Variants in COPS4 observed in about 807,000 individuals in gnomAD.
COPS4 encodes the protein COP9 signalosome complex subunit 4.
Under a neutral mutation model 55.1 loss-of-function variants are expected in COPS4, and 8 were observed. The ratio of observed to expected loss-of-function variants is 0.15; its 90% CI spans 0.09 to 0.26. COPS4 has a LOEUF of 0.26. COPS4 is among the 10% of genes least tolerant of loss of function. The pLI is 1.00. For missense variants in COPS4, 248 were observed against 484.0 expected (o/e 0.51, Z 4.58); for synonymous variants, 185 against 165.7 (o/e 1.12, Z -0.90).
chr4:83,054,227 A>G (rs543547365), intron 4 of COPS4, among the ~76,000 whole-genome samples: 2 of 152,260 alleles, frequency 1.3e-5, no homozygotes, highest in South Asian at 4.1e-4. Context: ...CTGTAGTCCC[A>G]GCTACTTGGG....
At position 83,064,106 on chromosome 4, in the gene COPS4, C is replaced by T. The variant is rs111411855; in HGVS notation, c.886+860C>T. Reference sequence around the variant, plus strand: ...ATCCCAGCACTTTGGGAGGCTAAGGCGGGAGGATCTCTTCAGCCTGGGAGT... The same window carrying T: ...ATCCCAGCACTTTGGGAGGCTAAGGTGGGAGGATCTCTTCAGCCTGGGAGT... On this transcript the variant is annotated intron_variant, in intron 7 of 9. Coordinates refer to ENST00000264389, the MANE Select transcript of COPS4 (RefSeq NM_016129.3). Among the ~76,000 whole-genome samples the T allele has an allele frequency of 7.2e-3, 1,095 of 152,110 alleles. 15 individuals carry two copies. The highest frequency in any genetic ancestry group is 0.01 in the Middle Eastern group (3 of 294).
chr4:83,049,461 A>G (rs1007544126), intron 3 of COPS4, 144 bp downstream of exon 3: 1 of 655,788 alleles, frequency 1.5e-6, no homozygotes. Context: ...ATGATGCAAA[A>G]TCAAGTAAAT....
chr4:83,036,670 T>C (rs1054647286), intron 1 of COPS4, among the ~76,000 whole-genome samples: 1 of 152,248 alleles, frequency 6.6e-6, no homozygotes, highest in Non-Finnish European at 1.5e-5. Flanking sequence ...AAGATTGTTG[T>C]TGTTACTATT....
Position 83,068,427 on chromosome 4 carries a change from T to G in COPS4, c.1003-11T>G. 1.3e-6 allele frequency: 2 copies of G among 1,584,150 alleles called. No individual in the cohort carries two copies. The highest frequency in any genetic ancestry group is 1.7e-6 in the Non-Finnish European group (2 of 1,156,800). ...GATAAAGTTTCTGAGAGTTTTTTTT[T>G]CCCCCAATAGGCGGAAAAGATAGCA... is the stretch of plus-strand genomic sequence containing the variant. On this transcript the variant is annotated splice_polypyrimidine_tract_variant and intron_variant, in intron 8 of 9. Transcript: ENST00000264389.
chr4:83,041,831 A>G (rs1019307955), intron 1 of COPS4, among the ~76,000 whole-genome samples: 4 of 149,614 alleles, frequency 2.7e-5, no homozygotes, highest in African/African-American at 9.8e-5. Flanking sequence ...GTTCAGTTTT[A>G]TCATAACTTT....
Position 83,068,356 on chromosome 4 carries a change from C to A in COPS4, c.1003-82C>A, listed in dbSNP as rs1271656742. On this transcript the variant is annotated intron_variant, in intron 8 of 9. Transcript: ENST00000264389. ...TAAAGTTTAGTGATGGTAGTTAAACCAGAAGCTTTCTGTTCTCTTTTCATA... is the reference window on the plus strand; with the variant it reads ...TAAAGTTTAGTGATGGTAGTTAAACAAGAAGCTTTCTGTTCTCTTTTCATA... 10 of 906,764 alleles carry A rather than the reference C, an allele frequency of 1.1e-5. No homozygotes were observed. The Admixed American group carries it at 1.3e-4, about 11-fold the overall frequency. 56.2% of individuals were successfully genotyped at this position (906,764 alleles called of 1,614,324 possible).
chr4:83,071,136 A>T (rs1463695647), intron 9 of COPS4, among the ~76,000 whole-genome samples: 3 of 151,910 alleles, frequency 2.0e-5, no homozygotes, highest in East Asian at 3.9e-4. Context: ...TATTTTAGTT[A>T]TTTTCAGTTG....
intron 6 of COPS4, among the ~76,000 whole-genome samples, chr4:83,061,144 T>C (rs1358112415): frequency 1.3e-5 from 2 of 152,116 alleles, no homozygotes; most frequent in Non-Finnish European, 2.9e-5. Context: ...ACTTTTTTTT[T>C]CCTTTTTTGT....
rs1206269407 is a variant in COPS4 at position 83,049,049 on chromosome 4, G to A, written c.155-117G>A. On this transcript the variant is annotated intron_variant, in intron 2 of 9. Transcript: ENST00000264389. ...AGGGGTATGGAAATCCTTGAATAATGCATTGAAGGCTGTACTAATATAGAT... is the reference window on the plus strand; with the variant it reads ...AGGGGTATGGAAATCCTTGAATAATACATTGAAGGCTGTACTAATATAGAT... 8 of 858,862 alleles carry A rather than the reference G, an allele frequency of 9.3e-6. No individual in the cohort carries two copies. In the East Asian group the frequency reaches 2.2e-4, roughly 24 times the overall value. The allele number at this position is 858,862 out of a possible 1,614,324, so 53.2% of individuals were successfully genotyped here.
chr4:83,055,347 AT>A (rs1215515706), intron 4 of COPS4, among the ~76,000 whole-genome samples: 20 of 152,180 alleles, frequency 1.3e-4, no homozygotes, highest in African/African-American at 4.8e-4. Flanking sequence ...ATATATGTGT[AT>A]AGAAATATAT....
chr4:83,045,985 A>C (rs528982063), intron 2 of COPS4, among the ~76,000 whole-genome samples: 1 of 152,234 alleles, frequency 6.6e-6, no homozygotes, highest in South Asian at 2.1e-4. Context: ...CTGGTATGCT[A>C]TTTTATGAGC....
rs1297919771 is a variant in COPS4, at chr4:83,035,186, G to A, written c.-39G>A. On this transcript the variant is annotated 5_prime_UTR_variant, in exon 1 of 10. Transcript: ENST00000264389. ...GACCACACTCGTTTTCTTTTTGGCT[G>A]CCAGAGGCCCCCGCATCCACCGCTG... 6 of 1,506,048 alleles carry A rather than the reference G, an allele frequency of 4.0e-6. No homozygotes were observed. Among genetic ancestry groups the A allele is most frequent in the Non-Finnish European group, 4.5e-6 (5 of 1,108,428 alleles). The allele number at this position is 1,506,048 out of a possible 1,614,324, so 93.3% of individuals were successfully genotyped here.
chr4:83,068,588 C>A, intron 9 of COPS4, 66 bp downstream of exon 9: 2 of 971,368 alleles, frequency 2.1e-6, no homozygotes, highest in Non-Finnish European at 3.3e-6. Context: ...GTGATTAAAA[C>A]ATGTTGGACA....
intron 9 of COPS4, chr4:83,073,390 C>G: frequency 1.8e-6 from 1 of 560,284 alleles, no homozygotes; most frequent in African/African-American, 1.8e-5. Flanking sequence ...AGCCGAATAG[C>G]ATTTCATTGG....
Position 83,057,085 on chromosome 4 carries a change from A to G in COPS4, c.564+6A>G, listed in dbSNP as rs755267769. On this transcript the variant is annotated splice_donor_region_variant and intron_variant, in intron 5 of 9. Coordinates refer to ENST00000264389, the MANE Select transcript of COPS4 (RefSeq NM_016129.3). ...AATTACAGATACATTATAAGGTAAC[A>G]GATGAGTTGATTTGGAATTACTTTT... 8 of 1,608,836 alleles carry G rather than the reference A, an allele frequency of 5.0e-6. No homozygotes were observed. Among genetic ancestry groups the G allele is most frequent in the Non-Finnish European group, 6.8e-6 (8 of 1,176,416 alleles).
chr4:83,044,369 T>C (rs1011812323), intron 1 of COPS4, among the ~76,000 whole-genome samples: 7 of 140,992 alleles, frequency 5.0e-5, no homozygotes, highest in Non-Finnish European at 7.6e-5. Context: ...TGCTTGAACC[T>C]GGGAGGCGGA....
intron 6 of COPS4, among the ~76,000 whole-genome samples, chr4:83,057,958 A>T (rs1397941842): frequency 6.6e-6 from 1 of 151,334 alleles, no homozygotes; most frequent in East Asian, 1.9e-4. Flanking sequence ...AAAAGAGATA[A>T]TATAAAGTTC....
At chr4:83,039,897 A>G (rs902259961) in intron 1 of COPS4, among the ~76,000 whole-genome samples, 1 of 152,142 alleles carries the variant, frequency 6.6e-6, no homozygotes, top group Non-Finnish European at 1.5e-5. Flanking sequence ...TCGGCCTACA[A>G]AAGTGTTGGG....
At chr4:83,048,471 T>C (rs1730775562) in intron 2 of COPS4, among the ~76,000 whole-genome samples, 1 of 152,192 alleles carries the variant, frequency 6.6e-6, no homozygotes, top group African/African-American at 2.4e-5. Context: ...TTAACTCCTT[T>C]TTGGAACAAG....
Sources: gnomAD v4.1 joint callset for allele counts (sites outside exome capture counted in the v4.1 genomes callset) on GRCh38, gnomAD v4.1.1 for gene constraint, MANE v1.5 for transcripts, NCBI Gene and HGNC (gene_info 2026-07-23, HGNC 2026-07-21) for gene names.